Variants in ZBED4 observed in about 807,000 individuals in gnomAD.
ZBED4 encodes the protein zinc finger BED-type containing 4.
ZBED4 carries 4 observed loss-of-function variants against 15.5 expected under a neutral mutation model. That is an observed-to-expected ratio of 0.26 (90% CI 0.13 to 0.59). The LOEUF (loss-of-function observed/expected upper bound fraction) is 0.59. Among genes scored for constraint, ZBED4 ranks in the 20% least tolerant of loss-of-function variants. ZBED4 has a pLI of 0.90. For missense variants in ZBED4, 1,323 were observed against 1,461.8 expected, an observed-to-expected ratio of 0.91 and a Z score of 1.55; for synonymous variants, 692 against 608.5, an observed-to-expected ratio of 1.14 and a Z score of -2.02.
intron 1 of ZBED4, among the ~76,000 whole-genome samples, chr22:49,863,926 A>T (rs1338381587): frequency 6.6e-6 from 1 of 152,206 alleles, no homozygotes; most frequent in East Asian, 1.9e-4. Flanking sequence ...AGCCCCTACA[A>T]GCTGGCTCCT....
intron 1 of ZBED4, among the ~76,000 whole-genome samples, chr22:49,867,355 G>A (rs779293747): frequency 2.0e-5 from 3 of 152,206 alleles, no homozygotes; most frequent in Admixed American, 6.5e-5. Flanking sequence ...CTGAAGAAGC[G>A]TGTGCCAGGC....
At position 49,886,833 on chromosome 22, in the gene ZBED4, C is replaced by G; in HGVS notation, c.3171C>G (p.Asp1057Glu). ...HRCDAGSPSKDSAAEENLWSL... is the reference protein window; with the variant it reads ...HRCDAGSPSKESAAEENLWSL... ...GTGATGCTGGCTCCCCGTCGAAAGA[C>G]TCTGCCGCAGAGGAGAACCTGTGGT... The change falls in exon 2 of 2, where the codon GAC (aspartate) becomes GAG (glutamate). Residue 1057 changes from aspartate (D) to glutamate (E), a missense_variant. This residue lies in a region of ZBED4 where 312 missense variants were observed against 410.7 expected (regional missense o/e 0.76). Coordinates refer to ENST00000216268, the MANE Select transcript of ZBED4 (RefSeq NM_014838.3). The surrounding 1 kb of genome is among the most constrained non-coding windows in gnomAD (Gnocchi z 7.7). 1 of 1,613,934 alleles carries G rather than the reference C, an allele frequency of 6.2e-7. No homozygotes were observed. The highest frequency in any genetic ancestry group is 8.5e-7 in the Non-Finnish European group (1 of 1,179,978).
At chr22:49,880,225 G>C (rs1216153469) in intron 1 of ZBED4, among the ~76,000 whole-genome samples, 1 of 152,112 alleles carries the variant, frequency 6.6e-6, no homozygotes, top group Admixed American at 6.5e-5. Context: ...TTCTGACCCT[G>C]CTTGCTGTTC....
intron 1 of ZBED4, among the ~76,000 whole-genome samples, chr22:49,854,919 C>T (rs965099560): frequency 6.6e-6 from 1 of 152,326 alleles, no homozygotes; most frequent in South Asian, 2.1e-4. Flanking sequence ...CGACTTTTTA[C>T]ACAGAAATGT....
Position 49,885,523 on chromosome 22 carries a change from C to T in ZBED4, c.1861C>T (p.Arg621Trp), listed in dbSNP as rs746830307. The T allele has an allele frequency of 3.5e-5, 56 of 1,608,792 alleles. No individual in the cohort carries two copies. The highest frequency in any genetic ancestry group is 1.6e-4 in the Middle Eastern group (1 of 6,068). Residue 621 changes from arginine (R) to tryptophan (W), a missense_variant, in exon 2 of 2, where the codon CGG becomes TGG. Coordinates refer to ENST00000216268, the MANE Select transcript of ZBED4 (RefSeq NM_014838.3). ...VLKTEVSETA[R>W]PSSPDTRVPR... ...GAAAACTGAGGTCTCGGAGACGGCTCGGCCCTCCTCTCCGGACACCCGGGT... is the reference window on the plus strand; with the variant it reads ...GAAAACTGAGGTCTCGGAGACGGCTTGGCCCTCCTCTCCGGACACCCGGGT...
upstream of ZBED4, chr22:49,853,746 G>A (rs1484117200): frequency 1.3e-5 from 2 of 149,648 alleles, no homozygotes; most frequent in African/African-American, 2.4e-5. Context: ...AGGCGGGGCG[G>A]GTACGCGGAC....
Position 49,884,084 on chromosome 22 carries a change from A to G in ZBED4, c.422A>G (p.Lys141Arg), listed in dbSNP as rs772902530. ...AAAGCAATATGCATGTACTGTGTGAAGGAGTTCAGCAGAGGCAAAAACGAG... is the reference window on the plus strand; with the variant it reads ...AAAGCAATATGCATGTACTGTGTGAGGGAGTTCAGCAGAGGCAAAAACGAG... ...STKAICMYCV[K>R]EFSRGKNEKD... is the part of the protein sequence containing the mutation. The change falls in exon 2 of 2, where the codon AAG becomes AGG. Residue 141 changes from lysine to arginine, a missense_variant. By Grantham distance (26) the Lys-to-Arg change is conservative. This residue lies in a region of ZBED4 where 380 missense variants were observed against 413.7 expected (regional missense o/e 0.92). Coordinates refer to ENST00000216268, the MANE Select transcript of ZBED4 (RefSeq NM_014838.3). 1 of 1,612,152 alleles carries G rather than the reference A, an allele frequency of 6.2e-7. No homozygotes were observed. Among genetic ancestry groups the G allele is most frequent in the Admixed American group, 1.7e-5 (1 of 59,564 alleles).
rs989338964 is a variant in ZBED4 at position 49,889,463 on chromosome 22, T to G, written c.*2285T>G. On this transcript the variant is annotated 3_prime_UTR_variant, in exon 2 of 2. Coordinates refer to ENST00000216268, the MANE Select transcript of ZBED4 (RefSeq NM_014838.3). ...CTTGAGCTAGCCTGCCTTTATGGGG[T>G]TTTTTTTGTTTGTTTTTTTAAGCTT... The G allele has an allele frequency of 4.2e-5, 7 of 166,644 alleles. No homozygotes were observed. The highest frequency in any genetic ancestry group is 6.5e-5 in the Admixed American group (1 of 15,268). 10.3% of individuals were successfully genotyped at this position (166,644 alleles called of 1,614,324 possible).
At chr22:49,856,292 G>A (rs576527441) in intron 1 of ZBED4, among the ~76,000 whole-genome samples, 11 of 152,238 alleles carry the variant, frequency 7.2e-5, no homozygotes, top group Non-Finnish European at 1.0e-4. Context: ...GGCCCTGGCC[G>A]TAGGGAACAT....
upstream of ZBED4, among the ~76,000 whole-genome samples, chr22:49,853,548 C>T (rs558190664): frequency 8.5e-5 from 13 of 152,314 alleles, no homozygotes; most frequent in East Asian, 1.9e-3. Context: ...GCGCCCGCGC[C>T]CCGCCCAGCC....
At position 49,879,285 on chromosome 22, in the gene ZBED4, G is replaced by A. The variant is rs114965001; in HGVS notation, c.-329-4049G>A. Among the ~76,000 whole-genome samples, 1,115 of 150,692 alleles carry A rather than the reference G, an allele frequency of 7.4e-3. 12 individuals carry two copies. The highest frequency in any genetic ancestry group is 0.024 in the African/African-American group (970 of 41,096). ...GATTACAGGCACGCGCCACCACGCCGCGCTAATTTTTTTGTATTTTTAGTA... is the reference window on the plus strand; with the variant it reads ...GATTACAGGCACGCGCCACCACGCCACGCTAATTTTTTTGTATTTTTAGTA... On this transcript the variant is annotated intron_variant, in intron 1 of 1. Coordinates refer to ENST00000216268, the MANE Select transcript of ZBED4 (RefSeq NM_014838.3).
rs547086091 is a variant in ZBED4 at position 49,858,089 on chromosome 22, A to G, written c.-330+4100A>G. On this transcript the variant is annotated intron_variant, in intron 1 of 1. Transcript: ENST00000216268. ...GCCAGTTTTTGTATTTTTAGTAGAG[A>G]TGGGCTGTCACCATGTTGGCCAGGC... 3.0e-4 allele frequency among the ~76,000 whole-genome samples: 45 copies of G among 151,974 alleles called. No homozygotes were observed. The East Asian group carries it at 8.7e-3, about 29-fold the overall frequency.
At position 49,885,102 on chromosome 22, in the gene ZBED4, CG is replaced by C. The variant is rs752269506; in HGVS notation, c.1442del (p.Gly481AlafsTer17). 2 of 1,613,862 alleles carry C rather than the reference CG, an allele frequency of 1.2e-6. No homozygotes were observed. Among genetic ancestry groups the C allele is most frequent in the Non-Finnish European group, 1.7e-6 (2 of 1,179,860 alleles). ...GCCTCAAGGCCGAGTGTCGGTACTGCGGCTGTGCCATCAGCCGGGGGAAGAA... is the reference window on the plus strand; with the variant it reads ...GCCTCAAGGCCGAGTGTCGGTACTGCGCTGTGCCATCAGCCGGGGGAAGAA... ...DSLKAECRYC[G>X]CAISRGKKGD... On this transcript the variant is annotated frameshift_variant, in exon 2 of 2. Transcript: ENST00000216268. LOFTEE classifies it low-confidence loss of function (END_TRUNC).
At chr22:49,882,097 C>T (rs1370058977) in intron 1 of ZBED4, among the ~76,000 whole-genome samples, 1 of 152,168 alleles carries the variant, frequency 6.6e-6, no homozygotes, top group Non-Finnish European at 1.5e-5. Context: ...GACTTCAGTT[C>T]TTGGTTCCTG....
rs1412499237 is a variant in ZBED4, at chr22:49,867,082, A to T, written c.-330+13093A>T. Among the ~76,000 whole-genome samples, 9 of 152,162 alleles carry T rather than the reference A, an allele frequency of 5.9e-5. 1 individual carries two copies. Among genetic ancestry groups the T allele is most frequent in the Admixed American group, 5.9e-4 (9 of 15,256 alleles). On this transcript the variant is annotated intron_variant, in intron 1 of 1. Coordinates refer to ENST00000216268, the MANE Select transcript of ZBED4 (RefSeq NM_014838.3). ...CTAACCACCACTTCAGCTGCATCTC[A>T]TCCATTTGGTGGGTTGTATTTTTAT...
chr22:49,874,128 C>T (rs1332674699), intron 1 of ZBED4, among the ~76,000 whole-genome samples: 1 of 152,196 alleles, frequency 6.6e-6, no homozygotes, highest in Non-Finnish European at 1.5e-5. Flanking sequence ...TTTTCTCTGA[C>T]AGCCGCCTCC....
Position 49,885,194 on chromosome 22 carries a change from G to T in ZBED4, c.1532G>T (p.Ser511Ile), listed in dbSNP as rs1009151518. 1.2e-6 allele frequency: 2 copies of T among 1,613,886 alleles called. No individual in the cohort carries two copies. Among genetic ancestry groups the T allele is most frequent in the African/African-American group, 2.7e-5 (2 of 74,880 alleles). The change falls in exon 2 of 2, where the codon AGC becomes ATC. Residue 511 changes from serine to isoleucine, a missense_variant. By Grantham distance (142) the Ser-to-Ile change is moderately radical. This residue lies in a region of ZBED4 where 429 missense variants were observed against 397.9 expected (regional missense o/e 1.08). Coordinates refer to ENST00000216268, the MANE Select transcript of ZBED4 (RefSeq NM_014838.3). ...CGGCGCCATCCAGAAGTTGTCGGGAGCCAGAAGGGCTTCCTGGGTGCAAGT... is the reference window on the plus strand; with the variant it reads ...CGGCGCCATCCAGAAGTTGTCGGGATCCAGAAGGGCTTCCTGGGTGCAAGT... ...LYRRHPEVVGSQKGFLGASLA... is the reference protein window; with the variant it reads ...LYRRHPEVVGIQKGFLGASLA...
intron 1 of ZBED4, among the ~76,000 whole-genome samples, chr22:49,860,584 T>C (rs1176397125): frequency 6.6e-6 from 1 of 152,128 alleles, no homozygotes; most frequent in African/African-American, 2.4e-5. Context: ...TCTTGTTTTA[T>C]TTTTTATTTT....
intron 1 of ZBED4, among the ~76,000 whole-genome samples, chr22:49,872,765 C>G (rs1394786518): frequency 6.6e-6 from 1 of 151,434 alleles, no homozygotes; most frequent in Non-Finnish European, 1.5e-5. Context: ...AGTGCAGTGA[C>G]GTGATCGCGG....
Sources: allele counts gnomAD v4.1 joint callset (sites outside exome capture counted in the v4.1 genomes callset), GRCh38; gene constraint gnomAD v4.1.1; regional missense constraint gnomAD v4.1.1; non-coding constraint Gnocchi (gnomAD v3.1); transcripts MANE v1.5; gene names NCBI Gene and HGNC (gene_info 2026-07-23, HGNC 2026-07-21).